Variants in CA10 observed in about 807,000 individuals in gnomAD.
CA10 encodes the protein carbonic anhydrase-related protein 10.
A neutral mutation model predicts 44.2 loss-of-function variants in CA10; 14 were observed. The observed-to-expected ratio is 0.32, with a 90% confidence interval of 0.21 to 0.50. CA10 has a LOEUF of 0.50. Among genes scored for constraint, CA10 ranks in the 20% least tolerant of loss-of-function variants. The probability of loss-of-function intolerance (pLI) is 0.99; values close to 1 mark genes in which losing one functional copy is unlikely to be tolerated. For missense variants in CA10, 350 were observed against 409.7 expected (o/e 0.85, Z 1.26); for synonymous variants, 159 against 141.6 (o/e 1.12, Z -0.87).
chr17:52,065,718 C>A (rs1987518538), intron 2 of CA10, among the ~76,000 whole-genome samples: 2 of 152,220 alleles, frequency 1.3e-5, no homozygotes, highest in African/African-American at 2.4e-5. Context: ...CAGGCCCCTG[C>A]TGCTCTCCAA....
chr17:51,737,755 C>T (rs1916960489), intron 4 of CA10, among the ~76,000 whole-genome samples: 1 of 152,126 alleles, frequency 6.6e-6, no homozygotes, highest in South Asian at 2.1e-4. Context: ...GTGTTTGTCC[C>T]TGCTTCCCTA....
chr17:51,833,983 A>C (rs1908381864), intron 3 of CA10, among the ~76,000 whole-genome samples: 1 of 152,230 alleles, frequency 6.6e-6, no homozygotes, highest in Admixed American at 6.5e-5. Flanking sequence ...TCATGGTACG[A>C]CCATGGAAAA....
chr17:51,650,858 A>G (rs2143274190), intron 5 of CA10, among the ~76,000 whole-genome samples: 1 of 152,304 alleles, frequency 6.6e-6, no homozygotes. Context: ...CAAAGTGCAC[A>G]CAGATGATTT....
At chr17:52,029,071 G>A (rs937426523) in intron 2 of CA10, among the ~76,000 whole-genome samples, 3 of 152,102 alleles carry the variant, frequency 2.0e-5, no homozygotes, top group Admixed American at 6.6e-5. Flanking sequence ...AATATGTCAA[G>A]GTCTGTTTTT....
intron 2 of CA10, among the ~76,000 whole-genome samples, chr17:52,049,471 T>C (rs570328621): frequency 6.6e-6 from 1 of 152,142 alleles, no homozygotes; most frequent in Non-Finnish European, 1.5e-5. Flanking sequence ...GTAAGTGTTT[T>C]ACAAGTGTTT....
intron 1 of CA10, among the ~76,000 whole-genome samples, chr17:52,145,655 C>A (rs1989567174): frequency 6.6e-6 from 1 of 152,146 alleles, no homozygotes; most frequent in Admixed American, 6.5e-5. Context: ...ACTTGTTATG[C>A]AAAATAACAT....
intron 3 of CA10, among the ~76,000 whole-genome samples, chr17:51,861,092 C>T (rs1441174915): frequency 6.6e-6 from 1 of 152,158 alleles, no homozygotes; most frequent in Non-Finnish European, 1.5e-5. Context: ...TAAGGACTAG[C>T]AACCTGCGTT....
chr17:51,911,007 G>A (rs1954514015), intron 3 of CA10, among the ~76,000 whole-genome samples: 1 of 152,144 alleles, frequency 6.6e-6, no homozygotes, highest in African/African-American at 2.4e-5. Flanking sequence ...GAATGTGGGT[G>A]GAAGACATAG....
intron 4 of CA10, among the ~76,000 whole-genome samples, chr17:51,701,801 A>G (rs1479844477): frequency 1.3e-5 from 2 of 152,152 alleles, no homozygotes; most frequent in African/African-American, 4.8e-5. Flanking sequence ...TTCACATTCC[A>G]TTTACCTAGA....
intron 4 of CA10, among the ~76,000 whole-genome samples, chr17:51,664,621 G>A (rs1421759327): frequency 6.6e-6 from 1 of 151,508 alleles, no homozygotes; most frequent in African/African-American, 2.4e-5. Context: ...TTTGCCTGAG[G>A]TCTGAGCTCT....
chr17:52,028,061 C>T (rs8076677), intron 2 of CA10, among the ~76,000 whole-genome samples: 5,985 of 152,216 alleles, frequency 0.039, 303 homozygotes, highest in African/African-American at 0.12. Flanking sequence ...TAAATACAAG[C>T]AGCAATATCT....
At chr17:51,668,868 G>T (rs1258612397) in intron 4 of CA10, among the ~76,000 whole-genome samples, 1 of 152,214 alleles carries the variant, frequency 6.6e-6, no homozygotes, top group Admixed American at 6.5e-5. Context: ...ACTTGGAGCG[G>T]CCGGCCGGCA....
chr17:51,901,666 T>C (rs554942424), intron 3 of CA10, among the ~76,000 whole-genome samples: 2 of 152,208 alleles, frequency 1.3e-5, no homozygotes, highest in Admixed American at 6.5e-5. Context: ...GAGCTGAGAT[T>C]GCGCCACTGC....
intron 2 of CA10, among the ~76,000 whole-genome samples, chr17:51,977,956 A>G (rs1984518248): frequency 6.6e-6 from 1 of 152,146 alleles, no homozygotes; most frequent in Admixed American, 6.6e-5. Flanking sequence ...TTAGGGTTAA[A>G]TTTAATGGGT....
chr17:51,923,578 A>G (rs184932063), intron 3 of CA10, among the ~76,000 whole-genome samples: 9 of 152,316 alleles, frequency 5.9e-5, no homozygotes, highest in South Asian at 2.1e-4. Context: ...AAAGCCTCAA[A>G]CATAAGAGGT....
intron 5 of CA10, among the ~76,000 whole-genome samples, chr17:51,650,680 C>T (rs896527040): frequency 1.3e-5 from 2 of 152,228 alleles, no homozygotes; most frequent in Non-Finnish European, 2.9e-5. Flanking sequence ...GGTGCTGATG[C>T]ACCCCATGAA....
intron 1 of CA10, among the ~76,000 whole-genome samples, chr17:52,124,689 C>T (rs1053564400): frequency 3.9e-5 from 6 of 152,222 alleles, no homozygotes; most frequent in African/African-American, 1.4e-4. Context: ...CCTTGTCCTC[C>T]ACCTTCATGC....
chr17:51,785,832 T>A (rs915353931), intron 3 of CA10, among the ~76,000 whole-genome samples: 4 of 152,234 alleles, frequency 2.6e-5, no homozygotes, highest in Non-Finnish European at 5.9e-5. Context: ...TTTTTTCTAT[T>A]TCTGTAAAGA....
chr17:51,874,882 C>T (rs186124475), intron 3 of CA10, among the ~76,000 whole-genome samples: 27 of 152,278 alleles, frequency 1.8e-4, no homozygotes, highest in Middle Eastern at 3.4e-3. Flanking sequence ...CATGTCTCCA[C>T]GCTTACCCTT....
Sources: allele counts gnomAD v4.1 joint callset (sites outside exome capture counted in the v4.1 genomes callset), GRCh38; gene constraint gnomAD v4.1.1; transcripts MANE v1.5; gene names NCBI Gene and HGNC (gene_info 2026-07-23, HGNC 2026-07-21).